The following AUTS2 variants were observed in gnomAD, a reference collection of about 807,000 sequenced individuals.
AUTS2 encodes autism susceptibility gene 2 protein.
AUTS2 carries 17 observed loss-of-function variants against 112.4 expected under a neutral mutation model. The ratio of observed to expected loss-of-function variants is 0.15; its 90% CI spans 0.10 to 0.23. The LOEUF (loss-of-function observed/expected upper bound fraction) is 0.23, where lower values mean the gene tolerates loss of function less well. Ranked by LOEUF, AUTS2 falls within the 10% of genes least tolerant of loss-of-function variation. The probability of loss-of-function intolerance (pLI) is 1.00; values close to 1 mark genes in which losing one functional copy is unlikely to be tolerated. For missense variants in AUTS2, 1,510 were observed against 1,701.6 expected (o/e 0.89, Z 1.98); for synonymous variants, 751 against 702.7 (o/e 1.07, Z -1.09).
intron 2 of AUTS2, among the ~76,000 whole-genome samples, chr7:69,978,896 A>ACG (rs1563010957): frequency 6.9e-6 from 1 of 144,084 alleles, no homozygotes; most frequent in Non-Finnish European, 1.5e-5. Context: ...ACACACACAC[A>ACG]CACACGCACA....
chr7:70,655,550 G>A (rs1446303132), intron 5 of AUTS2, among the ~76,000 whole-genome samples: 5 of 152,204 alleles, frequency 3.3e-5, no homozygotes, highest in Non-Finnish European at 7.3e-5. Flanking sequence ...GTAAGGGGGT[G>A]AGCATAAACA....
chr7:70,500,812 C>T (rs1388417001), intron 5 of AUTS2, among the ~76,000 whole-genome samples: 1 of 151,980 alleles, frequency 6.6e-6, no homozygotes, highest in Admixed American at 6.6e-5. Context: ...ACTTCAGCCT[C>T]CCAGGTTCAA....
At chr7:70,055,019 G>T (rs930250444) in intron 2 of AUTS2, among the ~76,000 whole-genome samples, 3 of 151,560 alleles carry the variant, frequency 2.0e-5, no homozygotes, top group African/African-American at 7.3e-5. Flanking sequence ...CTAACTTTAG[G>T]TACTTTTGCC....
intron 14 of AUTS2, among the ~76,000 whole-genome samples, chr7:70,779,523 AG>A (rs1256055142): frequency 2.6e-5 from 4 of 152,202 alleles, no homozygotes; most frequent in Non-Finnish European, 4.4e-5. Flanking sequence ...TGCTTTCAGT[AG>A]GGGTGATGGG....
At chr7:70,004,647 G>A (rs1419427126) in intron 2 of AUTS2, among the ~76,000 whole-genome samples, 1 of 150,982 alleles carries the variant, frequency 6.6e-6, no homozygotes, top group Non-Finnish European at 1.5e-5. Context: ...TTGAGTTTTG[G>A]CCGACTTAGA....
intron 5 of AUTS2, among the ~76,000 whole-genome samples, chr7:70,617,609 G>C (rs1804443032): frequency 1.3e-5 from 2 of 151,860 alleles, no homozygotes; most frequent in Admixed American, 6.6e-5. Context: ...CTTGCAGTGA[G>C]CTGAGATCAC....
chr7:70,416,443 G>T (rs149697666), intron 4 of AUTS2, among the ~76,000 whole-genome samples: 5 of 152,106 alleles, frequency 3.3e-5, no homozygotes. Context: ...GCTTGCTTTC[G>T]GTGGGCTCTT....
chr7:70,265,183 C>T (rs997800716), intron 4 of AUTS2, among the ~76,000 whole-genome samples: 4 of 152,150 alleles, frequency 2.6e-5, no homozygotes, highest in African/African-American at 7.2e-5. Context: ...TAATCAGCCT[C>T]GCTGCTAATT....
At chr7:69,954,980 A>G (rs182926456) in intron 2 of AUTS2, among the ~76,000 whole-genome samples, 4 of 152,356 alleles carry the variant, frequency 2.6e-5, no homozygotes, top group Non-Finnish European at 4.4e-5. Context: ...GAACTTCTAC[A>G]TAAATCAACT....
chr7:70,391,876 G>T (rs1159365094), intron 4 of AUTS2, among the ~76,000 whole-genome samples: 1 of 152,038 alleles, frequency 6.6e-6, no homozygotes, highest in Non-Finnish European at 1.5e-5. Flanking sequence ...CAGAGCTTGA[G>T]TTCTTTTCCA....
At chr7:70,286,970 T>C (rs1453360376) in intron 4 of AUTS2, among the ~76,000 whole-genome samples, 2 of 152,252 alleles carry the variant, frequency 1.3e-5, no homozygotes. Flanking sequence ...CCAGCATCAC[T>C]GTATTCCTTA....
At chr7:69,692,752 C>T (rs1261619043) in intron 1 of AUTS2, among the ~76,000 whole-genome samples, 2 of 152,192 alleles carry the variant, frequency 1.3e-5, no homozygotes, top group South Asian at 2.1e-4. Context: ...TTTTGGCCCA[C>T]GTCTTCTAAC....
At chr7:70,096,696 G>T (rs1370726366) in intron 2 of AUTS2, among the ~76,000 whole-genome samples, 1 of 150,292 alleles carries the variant, frequency 6.7e-6, no homozygotes, top group East Asian at 1.9e-4. Flanking sequence ...TATTACATCA[G>T]ATTTACAGAG....
chr7:70,068,047 T>C (rs1250378396), intron 2 of AUTS2, among the ~76,000 whole-genome samples: 4 of 152,130 alleles, frequency 2.6e-5, no homozygotes, highest in African/African-American at 9.7e-5. Context: ...TAACATATAA[T>C]AATATTTGAA....
At chr7:70,665,857 C>A (rs1311583309) in intron 5 of AUTS2, among the ~76,000 whole-genome samples, 1 of 152,140 alleles carries the variant, frequency 6.6e-6, no homozygotes, top group Admixed American at 6.5e-5. Flanking sequence ...ACTCAAGTGT[C>A]CTGGAACCAA....
chr7:70,678,815 C>G (rs887651159), intron 5 of AUTS2, among the ~76,000 whole-genome samples: 3 of 152,138 alleles, frequency 2.0e-5, no homozygotes, highest in Admixed American at 6.5e-5. Flanking sequence ...CCTAGCTGAG[C>G]TTAGTCATCA....
chr7:70,019,478 T>C (rs1171895255), intron 2 of AUTS2, among the ~76,000 whole-genome samples: 3 of 152,238 alleles, frequency 2.0e-5, no homozygotes, highest in Non-Finnish European at 4.4e-5. Flanking sequence ...TCTGTGGTTG[T>C]CCTTCTCTTT....
intron 1 of AUTS2, among the ~76,000 whole-genome samples, chr7:69,898,157 C>T (rs886653599): frequency 4.6e-5 from 7 of 152,090 alleles, no homozygotes; most frequent in Non-Finnish European, 1.0e-4. Context: ...TGTATCAAAA[C>T]ATCTTATGTA....
chr7:70,098,764 A>C (rs1054037962), intron 2 of AUTS2, among the ~76,000 whole-genome samples: 1 of 149,538 alleles, frequency 6.7e-6, no homozygotes, highest in Non-Finnish European at 1.5e-5. Flanking sequence ...GTGCAATGTC[A>C]CAATCTCGGC....
Sources: allele counts gnomAD v4.1 joint callset (sites outside exome capture counted in the v4.1 genomes callset), GRCh38; gene constraint gnomAD v4.1.1; transcripts MANE v1.5; gene names NCBI Gene and HGNC (gene_info 2026-07-23, HGNC 2026-07-21).